The following NRXN1 variants were observed in gnomAD, a reference collection of about 807,000 sequenced individuals.
NRXN1 encodes the protein neurexin 1, also known as neurexin-1.
In NRXN1, 39 loss-of-function variants were observed where a neutral mutation model predicts 150.9. That is an observed-to-expected ratio of 0.26 (90% CI 0.20 to 0.34). NRXN1 has a LOEUF of 0.34. Ranked by LOEUF, NRXN1 falls within the 10% of genes least tolerant of loss-of-function variation. The pLI, the probability that NRXN1 is intolerant of heterozygous loss-of-function variation, is 1.00. For missense variants in NRXN1, 1,815 were observed against 1,949.9 expected, an observed-to-expected ratio of 0.93 and a Z score of 1.30; for synonymous variants, 924 against 757.0, an observed-to-expected ratio of 1.22 and a Z score of -3.62.
rs547274633 is a variant in NRXN1, at chr2:50,878,368, C to T, written c.832+43501G>A. Reference sequence around the variant, plus strand: ...TTAGAAGTTTTGGAAGGTTTACTGGCTTTGGTATTTTGTCAGGCAGTTCTT... The same window carrying T: ...TTAGAAGTTTTGGAAGGTTTACTGGTTTTGGTATTTTGTCAGGCAGTTCTT... On this transcript the variant is annotated intron_variant, in intron 5 of 22. Transcript: ENST00000401669. Among the ~76,000 whole-genome samples, 10 of 151,970 alleles carry T rather than the reference C, an allele frequency of 6.6e-5. No individual in the cohort carries two copies. The South Asian group carries it at 2.1e-3, about 31-fold the overall frequency.
intron 17 of NRXN1, among the ~76,000 whole-genome samples, chr2:50,372,522 T>G (rs2080103808): frequency 6.6e-6 from 1 of 152,066 alleles, no homozygotes; most frequent in African/African-American, 2.4e-5. Flanking sequence ...TTTATTTAGA[T>G]GAATAATCCA....
At chr2:50,965,668 T>C (rs1028494350) in intron 2 of NRXN1, among the ~76,000 whole-genome samples, 4 of 151,540 alleles carry the variant, frequency 2.6e-5, no homozygotes, top group African/African-American at 7.2e-5. Context: ...ATGCCATGCT[T>C]ATATTTGGCT....
chr2:50,152,827 G>T (rs10197877), intron 18 of NRXN1, among the ~76,000 whole-genome samples: 119,841 of 151,538 alleles, frequency 0.79, 47,723 homozygotes, highest in African/African-American at 0.88. Context: ...TACTTTACAT[G>T]TTTTGAATTT....
chr2:50,952,528 A>G (rs553361438), intron 2 of NRXN1, among the ~76,000 whole-genome samples: 1 of 152,168 alleles, frequency 6.6e-6, no homozygotes, highest in Non-Finnish European at 1.5e-5. Flanking sequence ...CATGGTAGGC[A>G]CAGCTGTAGG....
chr2:50,911,363 T>C (rs1684492262), intron 5 of NRXN1, among the ~76,000 whole-genome samples: 1 of 148,902 alleles, frequency 6.7e-6, no homozygotes, highest in Non-Finnish European at 1.5e-5. Context: ...CACACTAATC[T>C]TTCAACCACT....
chr2:50,489,105 T>A (rs911640348), intron 15 of NRXN1, among the ~76,000 whole-genome samples: 3 of 152,064 alleles, frequency 2.0e-5, no homozygotes, highest in African/African-American at 7.3e-5. Context: ...CATCTGGGCA[T>A]AGGATTGAAC....
intron 8 of NRXN1, among the ~76,000 whole-genome samples, chr2:50,553,691 C>G (rs1261852808): frequency 6.6e-6 from 1 of 152,224 alleles, no homozygotes; most frequent in East Asian, 1.9e-4. Context: ...GGTGCTTCCC[C>G]TCAATTTATT....
chr2:50,241,507 G>A (rs114588603), intron 17 of NRXN1, among the ~76,000 whole-genome samples: 1 of 151,674 alleles, frequency 6.6e-6, no homozygotes, highest in Admixed American at 6.6e-5. Context: ...CCATCAGATC[G>A]CTGAATGTAT....
chr2:50,900,507 A>C (rs919507663), intron 5 of NRXN1, among the ~76,000 whole-genome samples: 1 of 152,186 alleles, frequency 6.6e-6, no homozygotes, highest in African/African-American at 2.4e-5. Context: ...AATATTTAGA[A>C]AACGGAAGGC....
chr2:50,961,071 A>G (rs1693101717), intron 2 of NRXN1, among the ~76,000 whole-genome samples: 1 of 151,872 alleles, frequency 6.6e-6, no homozygotes, highest in Non-Finnish European at 1.5e-5. Context: ...CTCTCTATTT[A>G]CAAATATGCT....
chr2:50,177,435 T>A (rs979541644), intron 18 of NRXN1, among the ~76,000 whole-genome samples: 1 of 152,182 alleles, frequency 6.6e-6, no homozygotes, highest in African/African-American at 2.4e-5. Context: ...TGCTGTCCCA[T>A]TTCTATAATA....
At chr2:50,375,717 T>C (rs138579466) in intron 17 of NRXN1, among the ~76,000 whole-genome samples, 11 of 151,556 alleles carry the variant, frequency 7.3e-5, no homozygotes, top group Non-Finnish European at 1.2e-4. Flanking sequence ...TGCATGTAAG[T>C]GTCAAAATAG....
intron 5 of NRXN1, chr2:50,918,529 T>C (rs1685535405): frequency 5.4e-6 from 2 of 368,612 alleles, no homozygotes; most frequent in Admixed American, 4.6e-5. Flanking sequence ...CTGATAATTA[T>C]TAACTTGTGC....
intron 21 of NRXN1, among the ~76,000 whole-genome samples, chr2:49,989,828 G>A (rs6722600): frequency 0.47 from 70,929 of 151,938 alleles, 17,201 homozygotes; most frequent in Middle Eastern, 0.61. Context: ...TTGACATTTT[G>A]TGGGTTATAT....
chr2:50,886,522 A>G (rs1312628477), intron 5 of NRXN1, among the ~76,000 whole-genome samples: 2 of 151,498 alleles, frequency 1.3e-5, no homozygotes, highest in East Asian at 3.9e-4. Context: ...CAATCTCATA[A>G]GATTTGAGAT....
chr2:50,305,450 G>T (rs1216760703), intron 17 of NRXN1, among the ~76,000 whole-genome samples: 1 of 152,032 alleles, frequency 6.6e-6, no homozygotes, highest in Non-Finnish European at 1.5e-5. Context: ...CCAATAACTA[G>T]ATTTAAAATT....
rs149964310 is a variant in NRXN1 at position 50,812,351 on chromosome 2, A to G, written c.832+109518T>C. ...GTTACATATGTGACTTCCAAATCAG[A>G]CCAAACTAATTCCTTAGGAAGGCCA... is the stretch of plus-strand genomic sequence containing the variant. On this transcript the variant is annotated intron_variant, in intron 5 of 22. Transcript: ENST00000401669. Among the ~76,000 whole-genome samples the G allele has an allele frequency of 1.3e-3, 199 of 152,316 alleles. 1 individual carries two copies. Among genetic ancestry groups the G allele is most frequent in the African/African-American group, 4.5e-3 (188 of 41,576 alleles).
At chr2:50,343,387 G>A (rs966719050) in intron 17 of NRXN1, among the ~76,000 whole-genome samples, 5 of 151,970 alleles carry the variant, frequency 3.3e-5, no homozygotes, top group Non-Finnish European at 7.4e-5. Flanking sequence ...TCTTGTTGGC[G>A]TTAAGTAGCA....
At position 50,550,755 on chromosome 2, in the gene NRXN1, C is replaced by T. The variant is rs571529736; in HGVS notation, c.1759+1832G>A. Among the ~76,000 whole-genome samples, 3 of 151,674 alleles carry T rather than the reference C, an allele frequency of 2.0e-5. No homozygotes were observed. The South Asian group carries it at 6.2e-4, about 32-fold the overall frequency. ...GGAGTGCCGCGGCCCGATCTCGGCT[C>T]ACTGCAAAATCCGCCTCCCAGCTTC... On this transcript the variant is annotated intron_variant, in intron 9 of 22. Coordinates refer to ENST00000401669, the MANE Select transcript of NRXN1 (RefSeq NM_001330078.2).
Sources: gnomAD v4.1 joint callset for allele counts (sites outside exome capture counted in the v4.1 genomes callset) on GRCh38, gnomAD v4.1.1 for gene constraint, MANE v1.5 for transcripts, NCBI Gene and HGNC (gene_info 2026-07-23, HGNC 2026-07-21) for gene names.